SEMA5B: variants seen among roughly 807,000 people sequenced by gnomAD.
SEMA5B encodes semaphorin-5B.
SEMA5B carries 66 observed loss-of-function variants against 135.0 expected under a neutral mutation model. The observed-to-expected ratio is 0.49, with a 90% CI of 0.40 to 0.60. SEMA5B has a LOEUF of 0.60. Ranked by LOEUF, SEMA5B falls within the 20% of genes least tolerant of loss-of-function variation. The pLI is 0.00. For synonymous variants in SEMA5B, 690 were observed against 639.5 expected, an observed-to-expected ratio of 1.08 and a Z score of -1.19; for missense variants, 1,501 against 1,566.3, an observed-to-expected ratio of 0.96 and a Z score of 0.70.
chr3:123,005,096 C>A (rs1283915698), intron 1 of SEMA5B, among the ~76,000 whole-genome samples: 1 of 152,262 alleles, frequency 6.6e-6, no homozygotes, highest in African/African-American at 2.4e-5. Flanking sequence ...GCACTCACTC[C>A]TTCTAGGGAT....
At chr3:122,966,710 G>A (rs369843495) in intron 1 of SEMA5B, among the ~76,000 whole-genome samples, 74 of 147,780 alleles carry the variant, frequency 5.0e-4, no homozygotes, top group Middle Eastern at 3.8e-3. Flanking sequence ...CCCCGCCACC[G>A]CGCCCAGCTA....
chr3:122,935,242 T>C (rs1400316494), intron 5 of SEMA5B, among the ~76,000 whole-genome samples: 1 of 151,490 alleles, frequency 6.6e-6, no homozygotes, highest in East Asian at 1.9e-4. Context: ...TGTCATATTC[T>C]AAAAGTCTGG....
chr3:123,006,252 C>A (rs1326284907), intron 1 of SEMA5B, among the ~76,000 whole-genome samples: 1 of 151,938 alleles, frequency 6.6e-6, no homozygotes, highest in Admixed American at 6.6e-5. Flanking sequence ...AATGAGGGGA[C>A]GACAGAGCAG....
intron 1 of SEMA5B, among the ~76,000 whole-genome samples, chr3:123,025,726 G>A (rs1435089159): frequency 6.6e-6 from 1 of 152,110 alleles, no homozygotes; most frequent in African/African-American, 2.4e-5. Context: ...GCCCTGCCCC[G>A]AGTGGTCTAC....
chr3:122,995,516 A>G (rs916889761), intron 1 of SEMA5B, among the ~76,000 whole-genome samples: 19 of 152,216 alleles, frequency 1.2e-4, no homozygotes, highest in African/African-American at 4.6e-4. Flanking sequence ...CATACCTGAA[A>G]GCGGCTGGCC....
At chr3:122,981,432 G>T (rs1292104342) in intron 1 of SEMA5B, among the ~76,000 whole-genome samples, 1 of 152,228 alleles carries the variant, frequency 6.6e-6, no homozygotes, top group East Asian at 1.9e-4. Context: ...GAATTTGACA[G>T]CTTCCTGGGA....
intron 1 of SEMA5B, among the ~76,000 whole-genome samples, chr3:123,022,667 T>C (rs1942712788): frequency 6.6e-6 from 1 of 152,296 alleles, no homozygotes; most frequent in South Asian, 2.1e-4. Context: ...CAGAAAACCA[T>C]CTTCATTTTT....
At chr3:122,925,057 C>T (rs957549749) in intron 9 of SEMA5B, among the ~76,000 whole-genome samples, 4 of 152,200 alleles carry the variant, frequency 2.6e-5, no homozygotes, top group Non-Finnish European at 5.9e-5. Flanking sequence ...GCGTCAGTTT[C>T]GATGCCTCTC....
rs556602075 is a variant in SEMA5B at position 122,956,728 on chromosome 3, G to GCTGCA, written c.124+4411_124+4412insTGCAG. 3.2e-3 allele frequency among the ~76,000 whole-genome samples: 485 copies of GCTGCA among 152,268 alleles called. 4 individuals carry two copies. The highest frequency in any genetic ancestry group is 0.011 in the African/African-American group (467 of 41,548). On this transcript the variant is annotated intron_variant, in intron 2 of 22. Transcript: ENST00000357599. The stretch of plus-strand genomic sequence containing the variant: ...CCCCGGGGTGGGTAGCAGCTGAGTT[G>GCTGCA]CTGGTACCATTCCATTCAGCACGAG...
intron 18 of SEMA5B, 107 bp downstream of exon 18, chr3:122,912,736 A>AG: frequency 9.0e-7 from 1 of 1,113,384 alleles, no homozygotes; most frequent in South Asian, 1.6e-5. Flanking sequence ...GGCAGGGAGA[A>AG]GGGGTCACCT....
chr3:122,921,941 C>T lies in SEMA5B; in HGVS notation c.1662G>A (p.Glu554=). 1 of 1,535,446 alleles carries T rather than the reference C, an allele frequency of 6.5e-7. No homozygotes were observed. The highest frequency in any genetic ancestry group is 8.7e-7 in the Non-Finnish European group (1 of 1,145,742). Residue 554 remains glutamate (E), a synonymous_variant, in exon 12 of 23, where the codon GAG becomes GAA. Transcript: ENST00000357599. ...LRDGVLRVPL[E]RCAAYRSQGA... Reference sequence around the variant, plus strand: ...CCTGGCTGCGGTAGGCGGCGCACCTCTCCAGTGGGACCCGCAGGACGCCGT... The same window carrying T: ...CCTGGCTGCGGTAGGCGGCGCACCTTTCCAGTGGGACCCGCAGGACGCCGT...
At chr3:122,947,307 C>T (rs747052275) in intron 3 of SEMA5B, among the ~76,000 whole-genome samples, 6 of 152,190 alleles carry the variant, frequency 3.9e-5, no homozygotes, top group Non-Finnish European at 8.8e-5. Context: ...CCAGCTCAAA[C>T]AAGACAGCGC....
chr3:122,910,366 G>A, intron 22 of SEMA5B, 65 bp from the exon 23 acceptor site: 1 of 1,556,000 alleles, frequency 6.4e-7, no homozygotes, highest in Non-Finnish European at 8.8e-7. Context: ...GAACAGGCCA[G>A]AGCAAGGAGT....
At chr3:123,011,122 T>TC (rs1186761023) in intron 1 of SEMA5B, among the ~76,000 whole-genome samples, 5 of 151,942 alleles carry the variant, frequency 3.3e-5, no homozygotes, top group Non-Finnish European at 5.9e-5. Flanking sequence ...CTGAGCCCCT[T>TC]CCCCCCAAAG....
intron 1 of SEMA5B, among the ~76,000 whole-genome samples, chr3:122,977,731 C>T (rs892794678): frequency 2.6e-5 from 4 of 152,332 alleles, no homozygotes; most frequent in African/African-American, 9.6e-5. Context: ...AAGTCTCAAA[C>T]ACTAGAGTAC....
intron 2 of SEMA5B, among the ~76,000 whole-genome samples, chr3:122,952,544 G>A (rs111393380): frequency 6.6e-6 from 1 of 152,246 alleles, no homozygotes; most frequent in African/African-American, 2.4e-5. Context: ...AGGAGGAAAG[G>A]AGTTATTACC....
intron 8 of SEMA5B, 43 bp from the exon 9 acceptor site, chr3:122,926,720 G>T: frequency 6.3e-7 from 1 of 1,593,816 alleles, no homozygotes; most frequent in South Asian, 1.1e-5. Flanking sequence ...CAGGCCAGCG[G>T]GGAAGAAGAT....
intron 1 of SEMA5B, among the ~76,000 whole-genome samples, chr3:123,016,860 G>C (rs1166824078): frequency 6.7e-6 from 1 of 149,930 alleles, no homozygotes; most frequent in African/African-American, 2.5e-5. Flanking sequence ...GGGATTACCA[G>C]TGTGAGCCAC....
rs1483964319 is a variant in SEMA5B at position 122,991,336 on chromosome 3, CAT to C, written c.-38-30037_-38-30036del. Among the ~76,000 whole-genome samples the C allele has an allele frequency of 3.3e-5, 5 of 152,296 alleles. No individual in the cohort carries two copies. The East Asian group carries it at 9.7e-4, about 29-fold the overall frequency. Reference sequence around the variant, plus strand: ...CCGAGTCTCAGGGGACCAAAGGCCACATGAGGGCCCAAGGAGAAGATGTAGCA... The same window carrying C: ...CCGAGTCTCAGGGGACCAAAGGCCACGAGGGCCCAAGGAGAAGATGTAGCA... On this transcript the variant is annotated intron_variant, in intron 1 of 22. Transcript: ENST00000357599.
Sources: allele counts gnomAD v4.1 joint callset (sites outside exome capture counted in the v4.1 genomes callset), GRCh38; gene constraint gnomAD v4.1.1; transcripts MANE v1.5; gene names NCBI Gene and HGNC (gene_info 2026-07-23, HGNC 2026-07-21).